The following MACROD2 variants were observed in gnomAD, a reference collection of about 807,000 sequenced individuals.
The protein encoded by MACROD2 is ADP-ribose glycohydrolase MACROD2.
Under a neutral mutation model 70.4 loss-of-function variants are expected in MACROD2, and 36 were observed. That is an observed-to-expected ratio of 0.51 (90% CI 0.39 to 0.68). The LOEUF (loss-of-function observed/expected upper bound fraction) is 0.68, where lower values mean the gene tolerates loss of function less well. MACROD2 is among the 30% of genes least tolerant of loss of function. The probability of loss-of-function intolerance (pLI) is 0.00; values close to 1 mark genes in which losing one functional copy is unlikely to be tolerated. For missense variants in MACROD2, 496 were observed against 538.4 expected, an observed-to-expected ratio of 0.92 and a Z score of 0.78; for synonymous variants, 172 against 178.8, an observed-to-expected ratio of 0.96 and a Z score of 0.30.
At chr20:14,244,509 T>C (rs6042614) in intron 3 of MACROD2, among the ~76,000 whole-genome samples, 147,669 of 152,296 alleles carry the variant, frequency 0.97, 71,609 homozygotes, top group Admixed American at 0.99. Flanking sequence ...CCAGGCTGCA[T>C]GTTATGAATA....
intron 5 of MACROD2, among the ~76,000 whole-genome samples, chr20:15,175,703 A>G (rs1029471017): frequency 6.6e-5 from 10 of 152,214 alleles, no homozygotes; most frequent in African/African-American, 2.4e-4. Flanking sequence ...AATTTATGAT[A>G]GGAGTTTTCA....
At chr20:15,641,226 ATTC>A (rs1307999789) in intron 8 of MACROD2, among the ~76,000 whole-genome samples, 1 of 152,116 alleles carries the variant, frequency 6.6e-6, no homozygotes, top group East Asian at 1.9e-4. Context: ...AGTTTTTCTT[ATTC>A]TTTTCTTCTC....
intron 6 of MACROD2, among the ~76,000 whole-genome samples, chr20:15,335,152 A>G (rs1319729178): frequency 1.3e-5 from 2 of 151,776 alleles, no homozygotes; most frequent in Non-Finnish European, 2.9e-5. Context: ...CCTTCATCCA[A>G]TCCCTGATTG....
intron 13 of MACROD2, among the ~76,000 whole-genome samples, chr20:15,973,275 G>C (rs911575974): frequency 6.6e-6 from 1 of 152,012 alleles, no homozygotes. Flanking sequence ...AAATGAGGAA[G>C]GGAATGAAGA....
chr20:14,067,182 G>A (rs1010575752), intron 2 of MACROD2, among the ~76,000 whole-genome samples: 1 of 143,070 alleles, frequency 7.0e-6, no homozygotes, highest in African/African-American at 2.7e-5. Context: ...GGGGTGCAGT[G>A]GTGCTATCTT....
intron 3 of MACROD2, among the ~76,000 whole-genome samples, chr20:14,245,639 G>T (rs2081963058): frequency 6.6e-6 from 1 of 152,116 alleles, no homozygotes; most frequent in Non-Finnish European, 1.5e-5. Flanking sequence ...CAGAATTAAA[G>T]AATCTGCCAG....
intron 8 of MACROD2, among the ~76,000 whole-genome samples, chr20:15,712,369 C>G (rs1242871169): frequency 6.6e-6 from 1 of 152,210 alleles, no homozygotes; most frequent in Non-Finnish European, 1.5e-5. Context: ...GAAGATGCTT[C>G]TTGGAACTTC....
At chr20:14,553,177 C>CT (rs1310620322) in intron 4 of MACROD2, among the ~76,000 whole-genome samples, 1 of 149,274 alleles carries the variant, frequency 6.7e-6, no homozygotes, top group South Asian at 2.1e-4. Flanking sequence ...ATTAAAATTT[C>CT]TTTTTTTTTA....
intron 5 of MACROD2, among the ~76,000 whole-genome samples, chr20:14,875,614 A>T (rs1450387204): frequency 1.3e-5 from 2 of 152,050 alleles, no homozygotes; most frequent in Admixed American, 6.6e-5. Flanking sequence ...CCCAATAGGT[A>T]GTTTTTCAGC....
At chr20:15,183,992 G>A (rs1054915863) in intron 5 of MACROD2, among the ~76,000 whole-genome samples, 4 of 152,166 alleles carry the variant, frequency 2.6e-5, no homozygotes, top group Admixed American at 6.5e-5. Context: ...GGGAGTGGGG[G>A]ATGCTGCATA....
chr20:14,658,872 C>T (rs949283408), intron 4 of MACROD2, among the ~76,000 whole-genome samples: 5 of 152,306 alleles, frequency 3.3e-5, no homozygotes, highest in Middle Eastern at 3.4e-3. Flanking sequence ...CCTCGGCCTC[C>T]CAGAGTGTGG....
At chr20:15,272,685 T>A (rs1050165062) in intron 6 of MACROD2, among the ~76,000 whole-genome samples, 1 of 152,192 alleles carries the variant, frequency 6.6e-6, no homozygotes, top group African/African-American at 2.4e-5. Context: ...CTTGAAGGCA[T>A]AGAGTGAAGA....
chr20:14,715,706 G>A (rs1470718077), intron 5 of MACROD2, among the ~76,000 whole-genome samples: 3 of 152,132 alleles, frequency 2.0e-5, no homozygotes, highest in Non-Finnish European at 4.4e-5. Context: ...AACAGGCCAG[G>A]ATTACCAGTT....
chr20:15,388,763 C>G (rs537163740), intron 6 of MACROD2, among the ~76,000 whole-genome samples: 1 of 152,132 alleles, frequency 6.6e-6, no homozygotes, highest in Non-Finnish European at 1.5e-5. Context: ...GTTTAGGAGT[C>G]ATTGCTGGTT....
At chr20:14,579,301 C>A (rs1436202506) in intron 4 of MACROD2, among the ~76,000 whole-genome samples, 1 of 151,270 alleles carries the variant, frequency 6.6e-6, no homozygotes, top group African/African-American at 2.4e-5. Flanking sequence ...GCCACCGCGC[C>A]CGGCTAATTT....
chr20:14,314,334 C>T (rs1374660458), intron 3 of MACROD2, among the ~76,000 whole-genome samples: 1 of 152,124 alleles, frequency 6.6e-6, no homozygotes, highest in Non-Finnish European at 1.5e-5. Flanking sequence ...ATTCAGAGTA[C>T]AGTGGGACAA....
chr20:15,447,892 A>G (rs936869368), intron 7 of MACROD2, among the ~76,000 whole-genome samples: 35 of 152,114 alleles, frequency 2.3e-4, no homozygotes, highest in South Asian at 1.4e-3. Flanking sequence ...GGTACCAAAG[A>G]GGTGAATACA....
chr20:15,095,240 C>CT (rs2075822193), intron 5 of MACROD2, among the ~76,000 whole-genome samples: 1 of 150,652 alleles, frequency 6.6e-6, no homozygotes, highest in East Asian at 2.0e-4. Context: ...CCACACCCGG[C>CT]AATTTTTTGT....
chr20:14,330,128 T>G (rs1458193590), intron 3 of MACROD2, among the ~76,000 whole-genome samples: 1 of 152,062 alleles, frequency 6.6e-6, no homozygotes, highest in African/African-American at 2.4e-5. Context: ...CAAAACCAGG[T>G]GGGGCATTTC....
Sources: allele counts gnomAD v4.1 joint callset (sites outside exome capture counted in the v4.1 genomes callset), GRCh38; gene constraint gnomAD v4.1.1; transcripts MANE v1.5; gene names NCBI Gene and HGNC (gene_info 2026-07-23, HGNC 2026-07-21).